The following SEPTIN14 variants were observed in gnomAD, a reference collection of about 807,000 sequenced individuals.
SEPTIN14 encodes septin 14.
A neutral mutation model predicts 53.6 loss-of-function variants in SEPTIN14; 40 were observed. The observed-to-expected ratio is 0.75, with a 90% CI of 0.58 to 0.97. The LOEUF is 0.97. Among genes scored for constraint, SEPTIN14 ranks in the 50% least tolerant of loss-of-function variants. The probability of loss-of-function intolerance (pLI) is 0.00; values close to 1 mark genes in which losing one functional copy is unlikely to be tolerated. For synonymous variants in SEPTIN14, 138 were observed against 166.8 expected (o/e 0.83, Z 1.33); for missense variants, 471 against 508.2 (o/e 0.93, Z 0.70).
chr7:55,856,304 A>G (rs567836657), intron 2 of SEPTIN14, among the ~76,000 whole-genome samples: 5 of 152,118 alleles, frequency 3.3e-5, no homozygotes, highest in Non-Finnish European at 7.3e-5. Context: ...TTAACTTAGG[A>G]TAATGGCCTC....
intron 7 of SEPTIN14, among the ~76,000 whole-genome samples, chr7:55,815,284 C>T (rs1788773296): frequency 6.6e-6 from 1 of 152,004 alleles, no homozygotes; most frequent in African/African-American, 2.4e-5. Flanking sequence ...ATGGGATCAC[C>T]TCAAGTTAAA....
chr7:55,857,518 G>A (rs1458365713), intron 2 of SEPTIN14, among the ~76,000 whole-genome samples: 1 of 113,520 alleles, frequency 8.8e-6, no homozygotes, highest in Non-Finnish European at 1.8e-5. Flanking sequence ...GGAAGGGAAG[G>A]GAAAGGAAAG....
At chr7:55,809,803 A>G (rs1288446726) in intron 7 of SEPTIN14, among the ~76,000 whole-genome samples, 2 of 148,046 alleles carry the variant, frequency 1.4e-5, no homozygotes, top group Non-Finnish European at 3.0e-5. Context: ...TCTCTTCTCC[A>G]TATGCTTGCC....
rs57842949 is a variant in SEPTIN14 at position 55,799,351 on chromosome 7, C to CAA, written c.1120-3261_1120-3260dup. On this transcript the variant is annotated intron_variant, in intron 9 of 9. Transcript: ENST00000388975. ...TGAAACGCCATCTCTACTAAAAATA[C>CAA]AAAAAAAAAAAAAAAAATTAGCCAC... is the stretch of plus-strand genomic sequence containing the variant. 4.9e-3 allele frequency among the ~76,000 whole-genome samples: 511 copies of CAA among 104,780 alleles called. 8 individuals are homozygous for CAA. Among genetic ancestry groups the CAA allele is most frequent in the African/African-American group, 0.015 (474 of 30,616 alleles). The allele number at this position is 104,780 out of a possible 152,430, so 68.7% of individuals were successfully genotyped here.
chr7:55,839,229 A>T (rs1789263809), intron 5 of SEPTIN14, among the ~76,000 whole-genome samples: 1 of 151,970 alleles, frequency 6.6e-6, no homozygotes, highest in Non-Finnish European at 1.5e-5. Flanking sequence ...CTCTACTAAA[A>T]GTACAAAAAA....
chr7:55,825,117 G>T (rs1015975726), intron 6 of SEPTIN14, among the ~76,000 whole-genome samples: 2 of 152,050 alleles, frequency 1.3e-5, no homozygotes, highest in Non-Finnish European at 2.9e-5. Context: ...ATCAGTGAGT[G>T]GATAAACAAA....
rs1453417501 is a variant in SEPTIN14, at chr7:55,861,967, T to C, written c.30A>G (p.Thr10=). 1.9e-6 allele frequency: 3 copies of C among 1,585,084 alleles called. No homozygotes were observed. Among genetic ancestry groups the C allele is most frequent in the Non-Finnish European group, 2.6e-6 (3 of 1,168,906 alleles). The change falls in exon 2 of 10, where the codon ACA becomes ACG. Residue 10 remains threonine, a synonymous_variant. Coordinates refer to ENST00000388975, the MANE Select transcript of SEPTIN14 (RefSeq NM_207366.3). The part of the protein sequence containing the change: MAERTMAMP[T]QIPADGDTQK... ...CTGTATCTCCATCAGCAGGTATTTG[T>C]GTGGGCATAGCCATTGTTCTTTCTG...
At chr7:55,835,638 T>C (rs1194897346) in intron 5 of SEPTIN14, among the ~76,000 whole-genome samples, 3 of 152,232 alleles carry the variant, frequency 2.0e-5, no homozygotes, top group Non-Finnish European at 2.9e-5. Context: ...CAATCTTAAT[T>C]AATGTCCCAT....
chr7:55,830,379 C>G, intron 6 of SEPTIN14, among the ~76,000 whole-genome samples: 1 of 113,094 alleles, frequency 8.8e-6, no homozygotes, highest in South Asian at 2.6e-4. Context: ...CGGAGTCTCG[C>G]TCTGTCTACC....
At chr7:55,816,672 T>C (rs942834873) in intron 7 of SEPTIN14, among the ~76,000 whole-genome samples, 2 of 149,858 alleles carry the variant, frequency 1.3e-5, no homozygotes, top group African/African-American at 2.5e-5. Context: ...CCAGGCTTGG[T>C]GGCGCATGCC....
intron 8 of SEPTIN14, among the ~76,000 whole-genome samples, chr7:55,805,599 T>A (rs563101808): frequency 6.6e-6 from 1 of 152,262 alleles, no homozygotes; most frequent in South Asian, 2.1e-4. Flanking sequence ...GTATGTTACA[T>A]CCTATATAAG....
At chr7:55,800,068 A>G (rs947374827) in intron 9 of SEPTIN14, among the ~76,000 whole-genome samples, 2 of 152,228 alleles carry the variant, frequency 1.3e-5, no homozygotes, top group East Asian at 1.9e-4. Context: ...TTAGAAATCA[A>G]TAACAGAAAG....
intron 9 of SEPTIN14, 28 bp from the exon 10 acceptor site, chr7:55,796,120 C>A: frequency 7.0e-7 from 1 of 1,421,706 alleles, no homozygotes; most frequent in Non-Finnish European, 9.8e-7. Flanking sequence ...AGTTGTGACA[C>A]CAAAGCACAG....
chr7:55,809,503 G>A (rs539364202), intron 7 of SEPTIN14, among the ~76,000 whole-genome samples: 28 of 151,232 alleles, frequency 1.9e-4, no homozygotes, highest in Non-Finnish European at 3.5e-4. Context: ...TTACAGGAGC[G>A]CGCCACCACA....
At chr7:55,839,245 C>T (rs1462681904) in intron 5 of SEPTIN14, among the ~76,000 whole-genome samples, 1 of 151,770 alleles carries the variant, frequency 6.6e-6, no homozygotes, top group African/African-American at 2.4e-5. Context: ...AAAAATTAGC[C>T]GGGCGTGGTA....
chr7:55,854,592 G>C (rs983421185), intron 2 of SEPTIN14, among the ~76,000 whole-genome samples: 2 of 152,158 alleles, frequency 1.3e-5, no homozygotes, highest in Middle Eastern at 3.4e-3. Flanking sequence ...ACCACGCCCG[G>C]CTAATTTTTT....
chr7:55,828,374 A>G (rs1789027138), intron 6 of SEPTIN14, among the ~76,000 whole-genome samples: 1 of 144,502 alleles, frequency 6.9e-6, no homozygotes. Flanking sequence ...GCGCCATCTC[A>G]GCTCACTGCA....
Position 55,801,037 on chromosome 7 carries a change from A to G in SEPTIN14, c.1119+4221T>C, listed in dbSNP as rs1310799840. 2.6e-5 allele frequency among the ~76,000 whole-genome samples: 4 copies of G among 152,184 alleles called. No individual in the cohort carries two copies. In the East Asian group the frequency reaches 5.8e-4, roughly 22 times the overall value. On this transcript the variant is annotated intron_variant, in intron 9 of 9. Coordinates refer to ENST00000388975, the MANE Select transcript of SEPTIN14 (RefSeq NM_207366.3). ...AATGAAGATAAAAAACAACATATCAATAGTTATGGGATACAGCAAAAGCAG... is the reference window on the plus strand; with the variant it reads ...AATGAAGATAAAAAACAACATATCAGTAGTTATGGGATACAGCAAAAGCAG...
chr7:55,848,364 G>A (rs1482946295), intron 2 of SEPTIN14, among the ~76,000 whole-genome samples: 1 of 152,122 alleles, frequency 6.6e-6, no homozygotes, highest in Non-Finnish European at 1.5e-5. Context: ...GTTTCACCAT[G>A]TTGGCCAGGC....
Sources: allele counts gnomAD v4.1 joint callset (sites outside exome capture counted in the v4.1 genomes callset), GRCh38; gene constraint gnomAD v4.1.1; transcripts MANE v1.5; gene names NCBI Gene and HGNC (gene_info 2026-07-23, HGNC 2026-07-21).